The following NOTCH2NLR variants were observed in gnomAD, a reference collection of about 807,000 sequenced individuals.
The protein encoded by NOTCH2NLR is notch 2 N-terminal like R, also known as notch 2 N-terminal like R (pseudogene).
In NOTCH2NLR, 33 loss-of-function variants were observed where a neutral mutation model predicts 35.6. That is an observed-to-expected ratio of 0.93 (90% CI 0.70 to 1.24). The LOEUF (loss-of-function observed/expected upper bound fraction) is 1.24, where lower values mean the gene tolerates loss of function less well. NOTCH2NLR is among the 50% of genes most tolerant of loss of function. The pLI is 0.00. For synonymous variants in NOTCH2NLR, 103 were observed against 141.0 expected, an observed-to-expected ratio of 0.73 and a Z score of 1.91; for missense variants, 276 against 362.2, an observed-to-expected ratio of 0.76 and a Z score of 1.93.
intron 1 of NOTCH2NLR, among the ~76,000 whole-genome samples, chr1:120,754,160 G>A (rs1172620239): frequency 1.1e-4 from 5 of 44,656 alleles, no homozygotes; most frequent in Admixed American, 2.2e-4. Flanking sequence ...CTGAGATTGC[G>A]CCACTGCACT....
At chr1:120,779,619 T>C (rs1381877631) in intron 2 of NOTCH2NLR, among the ~76,000 whole-genome samples, 1 of 122,088 alleles carries the variant, frequency 8.2e-6, no homozygotes, top group Non-Finnish European at 1.7e-5. Context: ...TTTTAGAATA[T>C]ACACCTTTAG....
At position 120,726,932 on chromosome 1, in the gene NOTCH2NLR, T is replaced by A. The variant is rs1650821428; in HGVS notation, c.73+2682T>A. ...AGGAGCAACTTTTGGTTCACCTGGA[T>A]TGTAGTTGCTGACTTCAAGACCTTT... On this transcript the variant is annotated intron_variant, in intron 1 of 4. Transcript: ENST00000624419. Among the ~76,000 whole-genome samples, 3 of 116,242 alleles carry A rather than the reference T, an allele frequency of 2.6e-5. 1 individual carries two copies. The highest frequency in any genetic ancestry group is 4.9e-5 in the Non-Finnish European group (3 of 60,756). The allele number at this position is 116,242 out of a possible 152,430, so 76.3% of individuals were successfully genotyped here.
rs1190542025 is a variant in NOTCH2NLR, at chr1:120,790,177, G to T, written c.416-2984G>T. The stretch of plus-strand genomic sequence containing the variant: ...ACTACAGGCACCTACCGCCATGCCC[G>T]GCTAATTTTTGTATTTTTAGTAGAG... On this transcript the variant is annotated intron_variant, in intron 3 of 4. Coordinates refer to ENST00000624419, the Ensembl canonical transcript of NOTCH2NLR. 2.1e-3 allele frequency among the ~76,000 whole-genome samples: 218 copies of T among 102,598 alleles called. 84 individuals are homozygous for T. Among genetic ancestry groups the T allele is most frequent in the African/African-American group, 0.014 (214 of 15,524 alleles). 67.3% of individuals were successfully genotyped at this position (102,598 alleles called of 152,430 possible). A position where few individuals can be genotyped will look rare whatever the true frequency, so the allele number is the denominator to read the frequency against.
chr1:120,788,021 GT>G (rs1250769667), intron 3 of NOTCH2NLR, among the ~76,000 whole-genome samples: 45,964 of 65,672 alleles, frequency 0.7, 18,798 homozygotes, highest in African/African-American at 0.75. Context: ...AGCAGGTTGT[GT>G]TTTTTTTTTT....
intron 2 of NOTCH2NLR, among the ~76,000 whole-genome samples, chr1:120,766,097 T>A (rs1651192002): frequency 2.5e-5 from 1 of 40,636 alleles, no homozygotes. Context: ...TGTATACCTA[T>A]GAAACAAACC....
intron 1 of NOTCH2NLR, among the ~76,000 whole-genome samples, chr1:120,755,933 CTTTT>C (rs1168463033): frequency 1.1e-5 from 1 of 87,262 alleles, no homozygotes; most frequent in African/African-American, 7.7e-5. Context: ...TCTCTTATTG[CTTTT>C]TTTTTTTTTT....
chr1:120,730,733 G>A (rs1383911523), intron 1 of NOTCH2NLR, among the ~76,000 whole-genome samples: 2 of 55,126 alleles, frequency 3.6e-5, no homozygotes, highest in Non-Finnish European at 6.1e-5. Context: ...ATTAATTTGT[G>A]TATGTAAATA....
chr1:120,742,316 T>C (rs1313146048), intron 1 of NOTCH2NLR, among the ~76,000 whole-genome samples: 639 of 31,530 alleles, frequency 0.02, 176 homozygotes, highest in South Asian at 0.034. Context: ...TGTGTGCGTG[T>C]GTGTGTGTGT....
chr1:120,724,167 C>G, exon 1 of NOTCH2NLR: 1 of 1,384,284 alleles, frequency 7.2e-7, no homozygotes, highest in Non-Finnish European at 9.4e-7. Flanking sequence ...GAGGAGGAGG[C>G]GACCGAGAAG....
rs1248366487 is a variant in NOTCH2NLR, at chr1:120,729,829, G to A, written c.73+5579G>A. On this transcript the variant is annotated intron_variant, in intron 1 of 4. Transcript: ENST00000624419. ...AATAGCCAGGTGATTCTTACATTAG[G>A]AAAGTTTTAGAATCACTGCAGAGTG... Among the ~76,000 whole-genome samples the A allele has an allele frequency of 1.3e-3, 148 of 112,192 alleles. 25 individuals are homozygous for A. The highest frequency in any genetic ancestry group is 2.2e-3 in the Non-Finnish European group (128 of 58,938). 73.6% of individuals were successfully genotyped at this position (112,192 alleles called of 152,430 possible). A position where few individuals can be genotyped will look rare whatever the true frequency, so the allele number is the denominator to read the frequency against.
intron 1 of NOTCH2NLR, among the ~76,000 whole-genome samples, chr1:120,745,210 A>G (rs1218055433): frequency 9.0e-6 from 1 of 111,086 alleles, no homozygotes; most frequent in Non-Finnish European, 1.7e-5. Flanking sequence ...GCTTTAGTCC[A>G]TGGTTTTTTA....
intron 3 of NOTCH2NLR, among the ~76,000 whole-genome samples, chr1:120,790,010 CT>C (rs1174501165): frequency 9.2e-4 from 32 of 34,962 alleles, no homozygotes; most frequent in African/African-American, 3.0e-3. Context: ...TTCTGATCAC[CT>C]TTTTTTTTTT....
chr1:120,727,714 T>TA (rs1489627062), intron 1 of NOTCH2NLR, among the ~76,000 whole-genome samples: 1 of 113,630 alleles, frequency 8.8e-6, no homozygotes, highest in Admixed American at 8.5e-5. Flanking sequence ...AGTCCATAGT[T>TA]ACATGCTTCC....
chr1:120,756,628 T>G (rs1279327002), intron 1 of NOTCH2NLR, among the ~76,000 whole-genome samples: 1 of 118,258 alleles, frequency 8.5e-6, no homozygotes, highest in Non-Finnish European at 1.6e-5. Flanking sequence ...TGAAGGCTTC[T>G]CAGATTACAC....
At chr1:120,790,010 CTTTT>C (rs1174501165) in intron 3 of NOTCH2NLR, among the ~76,000 whole-genome samples, 2 of 34,940 alleles carry the variant, frequency 5.7e-5, no homozygotes. Context: ...TTCTGATCAC[CTTTT>C]TTTTTTTTTT....
In NOTCH2NLR at chr1:120,784,292, T is replaced by C. The variant is rs1166559791; in HGVS notation, c.156-682T>C. Among the ~76,000 whole-genome samples, 3 of 117,956 alleles carry C rather than the reference T, an allele frequency of 2.5e-5. 1 individual carries two copies. The highest frequency in any genetic ancestry group is 4.9e-5 in the Non-Finnish European group (3 of 61,326). The allele number at this position is 117,956 out of a possible 152,430, so 77.4% of individuals were successfully genotyped here. On this transcript the variant is annotated intron_variant, in intron 2 of 4. Coordinates refer to ENST00000624419, the Ensembl canonical transcript of NOTCH2NLR. ...ACCGGCTTTAGGAGAGTAAGTCTGT[T>C]GTACCTCATATGTAAGTATTATCCC... is the stretch of plus-strand genomic sequence containing the variant.
At chr1:120,760,423 T>C (rs1337366063) in intron 1 of NOTCH2NLR, among the ~76,000 whole-genome samples, 2 of 128,992 alleles carry the variant, frequency 1.6e-5, no homozygotes, top group Non-Finnish European at 1.6e-5. Flanking sequence ...TCCACCCGCC[T>C]CAGCCGCCCA....
chr1:120,759,056 G>C (rs1313054958), intron 1 of NOTCH2NLR, among the ~76,000 whole-genome samples: 1 of 102,072 alleles, frequency 9.8e-6, no homozygotes, highest in Non-Finnish European at 1.8e-5. Context: ...CCTGAGGACA[G>C]GGAGTTTATT....
Position 120,728,432 on chromosome 1 carries a change from A to G in NOTCH2NLR, c.73+4182A>G, listed in dbSNP as rs1650839204. Among the ~76,000 whole-genome samples, 2 of 111,372 alleles carry G rather than the reference A, an allele frequency of 1.8e-5. 1 individual carries two copies. Among genetic ancestry groups the G allele is most frequent in the African/African-American group, 1.1e-4 (2 of 18,070 alleles). 73.1% of individuals were successfully genotyped at this position (111,372 alleles called of 152,430 possible). A position where few individuals can be genotyped will look rare whatever the true frequency, so the allele number is the denominator to read the frequency against. On this transcript the variant is annotated intron_variant, in intron 1 of 4. Coordinates refer to ENST00000624419, the Ensembl canonical transcript of NOTCH2NLR. ...CCCAGATGTTTCATTTAAACTTGTA[A>G]TTTTGAATTTCTTTGTGTGTGGGGT...
Sources: gnomAD v4.1 joint callset for allele counts (sites outside exome capture counted in the v4.1 genomes callset) on GRCh38, gnomAD v4.1.1 for gene constraint, MANE v1.5 for transcripts, NCBI Gene and HGNC (gene_info 2026-07-23, HGNC 2026-07-21) for gene names.